The following MAD1L1 variants were observed in gnomAD, a reference collection of about 807,000 sequenced individuals.
MAD1L1 encodes the protein mitotic arrest deficient 1 like 1, also known as mitotic spindle assembly checkpoint protein MAD1.
MAD1L1 carries 95 observed loss-of-function variants against 96.9 expected under a neutral mutation model. The observed-to-expected ratio is 0.98, with a 90% CI of 0.83 to 1.16. The LOEUF (loss-of-function observed/expected upper bound fraction) is 1.16. Ranked by LOEUF, MAD1L1 falls within the 50% of genes most tolerant of loss-of-function variation. MAD1L1 has a pLI of 0.00. For missense variants in MAD1L1, 1,007 were observed against 954.4 expected (o/e 1.06, Z -0.73); for synonymous variants, 473 against 396.6 (o/e 1.19, Z -2.29).
intron 16 of MAD1L1, among the ~76,000 whole-genome samples, chr7:1,947,998 C>T (rs1779310313): frequency 6.6e-6 from 1 of 152,328 alleles, no homozygotes; most frequent in African/African-American, 2.4e-5. Flanking sequence ...ATGCTGCTGT[C>T]CGTGACCAGT....
chr7:2,205,009 C>A (rs1792516760), intron 10 of MAD1L1, among the ~76,000 whole-genome samples: 1 of 151,212 alleles, frequency 6.6e-6, no homozygotes. Flanking sequence ...TTGAAACCGC[C>A]TTTACAGAAT....
At chr7:2,186,276 T>C (rs1156919051) in intron 10 of MAD1L1, among the ~76,000 whole-genome samples, 1 of 152,230 alleles carries the variant, frequency 6.6e-6, no homozygotes, top group African/African-American at 2.4e-5. Flanking sequence ...ATCTGTGTGT[T>C]AATAGCAAAA....
intron 18 of MAD1L1, among the ~76,000 whole-genome samples, chr7:1,821,005 C>T (rs1367004766): frequency 4.1e-5 from 6 of 146,788 alleles, no homozygotes; most frequent in African/African-American, 1.0e-4. Flanking sequence ...GGCATGAACC[C>T]AGGAGGCGGA....
chr7:2,052,725 A>G (rs1339402743), intron 12 of MAD1L1, among the ~76,000 whole-genome samples: 1 of 152,242 alleles, frequency 6.6e-6, no homozygotes, highest in African/African-American at 2.4e-5. Context: ...CACCATCAAA[A>G]TAAACCTGGA....
At chr7:1,902,802 T>C (rs1787332317) in intron 17 of MAD1L1, among the ~76,000 whole-genome samples, 1 of 152,074 alleles carries the variant, frequency 6.6e-6, no homozygotes, top group Admixed American at 6.5e-5. Flanking sequence ...AACTCATGAT[T>C]GATGAAGCAC....
At chr7:1,887,289 C>T (rs1177810043) in intron 18 of MAD1L1, among the ~76,000 whole-genome samples, 1 of 151,760 alleles carries the variant, frequency 6.6e-6, no homozygotes, top group Non-Finnish European at 1.5e-5. Context: ...GTGTATGTGG[C>T]TGCCTGTGTG....
chr7:2,160,233 C>CAAA (rs528993860), intron 10 of MAD1L1, among the ~76,000 whole-genome samples: 2,635 of 109,318 alleles, frequency 0.024, 41 homozygotes, highest in Middle Eastern at 0.048. Flanking sequence ...TACCCTGTCT[C>CAAA]AAAAAAAAAA....
In MAD1L1 at chr7:1,968,950, C is replaced by T. The variant is rs893164321; in HGVS notation, c.1506-11231G>A. On this transcript the variant is annotated intron_variant, in intron 15 of 18. Coordinates refer to ENST00000265854, the MANE Select transcript of MAD1L1 (RefSeq NM_001013836.2). The surrounding 1 kb of genome is among the most constrained non-coding windows in gnomAD (Gnocchi z 5.6). ...GGCTGGAGACAGGCCCAGAGTCACACGCCGGTGACGAGCACCATGGCAGCG... is the reference window on the plus strand; with the variant it reads ...GGCTGGAGACAGGCCCAGAGTCACATGCCGGTGACGAGCACCATGGCAGCG... 2.0e-5 allele frequency among the ~76,000 whole-genome samples: 3 copies of T among 152,182 alleles called. No individual in the cohort carries two copies. Among genetic ancestry groups the T allele is most frequent in the Non-Finnish European group, 4.4e-5 (3 of 68,034 alleles).
intron 18 of MAD1L1, among the ~76,000 whole-genome samples, chr7:1,857,605 G>GCC (rs1427283130): frequency 6.6e-6 from 1 of 152,240 alleles, no homozygotes; most frequent in African/African-American, 2.4e-5. Flanking sequence ...CCGAGGATGA[G>GCC]CCCCTGGACC....
chr7:2,071,841 G>A (rs992968375), intron 11 of MAD1L1, among the ~76,000 whole-genome samples: 10 of 152,142 alleles, frequency 6.6e-5, no homozygotes, highest in African/African-American at 2.2e-4. Context: ...GGAGGGTGGC[G>A]GCCTCCATCA....
chr7:1,957,692 C>A lies in MAD1L1; in HGVS notation c.1533G>T (p.Glu511Asp). 6.2e-7 allele frequency: 1 copy of A among 1,614,164 alleles called. No homozygotes were observed. Among genetic ancestry groups the A allele is most frequent in the Admixed American group, 1.7e-5 (1 of 60,032 alleles). ...LRLKVEELEG[E>D]RSRLEEEKRM... Reference sequence around the variant, plus strand: ...TCTTTTCCTCCTCCAGCCGACTCCGCTCGCCTTCCAGCTCCTCGACCTTCA... The same window carrying A: ...TCTTTTCCTCCTCCAGCCGACTCCGATCGCCTTCCAGCTCCTCGACCTTCA... Residue 511 changes from glutamate (E) to aspartate (D), a missense_variant, in exon 16 of 19, where the codon GAG (glutamate) becomes GAT (aspartate). Physicochemically the swap from Glu to Asp is conservative, Grantham distance 45 (BLOSUM62 2). Transcript: ENST00000265854.
chr7:2,024,108 TAA>T (rs747660701), intron 12 of MAD1L1, among the ~76,000 whole-genome samples: 2 of 140,556 alleles, frequency 1.4e-5, no homozygotes, highest in Non-Finnish European at 1.6e-5. Context: ...TAACCAACAT[TAA>T]AAAAAAAAAA....
chr7:1,937,658 G>C (rs113917824), intron 16 of MAD1L1, among the ~76,000 whole-genome samples: 1 of 143,110 alleles, frequency 7.0e-6, no homozygotes, highest in Non-Finnish European at 1.6e-5. Flanking sequence ...CTGCGCACCC[G>C]AGACCCCGAC....
intron 10 of MAD1L1, among the ~76,000 whole-genome samples, chr7:2,205,514 T>C (rs1792553793): frequency 6.6e-6 from 1 of 152,134 alleles, no homozygotes; most frequent in African/African-American, 2.4e-5. Context: ...CTGACACCCC[T>C]ATCATTGCAT....
At chr7:1,995,227 C>G (rs574291285) in intron 14 of MAD1L1, among the ~76,000 whole-genome samples, 1 of 152,152 alleles carries the variant, frequency 6.6e-6, no homozygotes, top group Admixed American at 6.5e-5. Context: ...GGGGGCACCT[C>G]GGGGCACGCA....
At chr7:1,870,996 G>GAACCAACCGT (rs1785051589) in intron 18 of MAD1L1, among the ~76,000 whole-genome samples, 1 of 138,514 alleles carries the variant, frequency 7.2e-6, no homozygotes, top group African/African-American at 2.7e-5. Flanking sequence ...CTGCCATGCC[G>GAACCAACCGT]AACCAACCGT....
intron 18 of MAD1L1, chr7:1,817,126 G>GC (rs1781851030): frequency 6.6e-6 from 1 of 152,250 alleles, no homozygotes; most frequent in Non-Finnish European, 1.5e-5. Context: ...CCGGGGAAAC[G>GC]TGAACCGCAA....
intron 10 of MAD1L1, among the ~76,000 whole-genome samples, chr7:2,203,695 G>A (rs904968359): frequency 9.1e-4 from 138 of 152,328 alleles, no homozygotes; most frequent in African/African-American, 3.2e-3. Context: ...AAAACTGAGT[G>A]AAAACAGTTG....
At chr7:1,921,231 T>C (rs1198211057) in intron 17 of MAD1L1, among the ~76,000 whole-genome samples, 1 of 152,234 alleles carries the variant, frequency 6.6e-6, no homozygotes, top group Non-Finnish European at 1.5e-5. Context: ...AAGCCAAAGA[T>C]TCTTCCACTA....
Sources: gnomAD v4.1 joint callset for allele counts (sites outside exome capture counted in the v4.1 genomes callset) on GRCh38, gnomAD v4.1.1 for gene constraint, Gnocchi (gnomAD v3.1) non-coding constraint, MANE v1.5 for transcripts, NCBI Gene and HGNC (gene_info 2026-07-23, HGNC 2026-07-21) for gene names.